Variants in INPP5A observed in about 807,000 individuals in gnomAD.
INPP5A encodes 43 kDa inositol polyphosphate 5-phophatase.
In INPP5A, 14 loss-of-function variants were observed where a neutral mutation model predicts 65.2. The observed-to-expected ratio is 0.21, with a 90% CI of 0.14 to 0.34. The LOEUF (loss-of-function observed/expected upper bound fraction) is 0.34, where lower values mean the gene tolerates loss of function less well. Ranked by LOEUF, INPP5A falls within the 10% of genes least tolerant of loss-of-function variation. The pLI is 1.00. For synonymous variants in INPP5A, 207 were observed against 208.3 expected (o/e 0.99, Z 0.05); for missense variants, 431 against 545.6 (o/e 0.79, Z 2.09).
intron 12 of INPP5A, among the ~76,000 whole-genome samples, chr10:132,771,040 T>C (rs569158143): frequency 7.1e-4 from 108 of 152,350 alleles, no homozygotes; most frequent in African/African-American, 2.4e-3. Flanking sequence ...GGCAGGCTCG[T>C]CCGCCCTTCT....
chr10:132,539,190 G>A (rs1186269340), intron 1 of INPP5A, among the ~76,000 whole-genome samples: 1 of 152,162 alleles, frequency 6.6e-6, no homozygotes, highest in African/African-American at 2.4e-5. Flanking sequence ...TCTGAGCCTA[G>A]GCCCTCCACT....
At chr10:132,729,709 C>T (rs1403200799) in intron 9 of INPP5A, among the ~76,000 whole-genome samples, 6 of 152,220 alleles carry the variant, frequency 3.9e-5, no homozygotes, top group Middle Eastern at 3.2e-3. Flanking sequence ...CTGGGGAGGG[C>T]ACTGGCCTGA....
chr10:132,763,897 A>T (rs1427969745), intron 11 of INPP5A, among the ~76,000 whole-genome samples: 1 of 152,288 alleles, frequency 6.6e-6, no homozygotes, highest in Non-Finnish European at 1.5e-5. Context: ...CTGTGTACAC[A>T]TAAACACGCA....
intron 1 of INPP5A, among the ~76,000 whole-genome samples, chr10:132,576,959 CA>C (rs2071417964): frequency 6.6e-6 from 1 of 152,250 alleles, no homozygotes; most frequent in African/African-American, 2.4e-5. Flanking sequence ...GCTGTGAGCC[CA>C]GTGGTGGGCT....
intron 1 of INPP5A, among the ~76,000 whole-genome samples, chr10:132,578,211 T>C (rs1232974981): frequency 6.6e-6 from 1 of 152,214 alleles, no homozygotes; most frequent in Non-Finnish European, 1.5e-5. Flanking sequence ...TCTCCTTTTT[T>C]GTGTCTGGTT....
chr10:132,773,578 C>T (rs1443717834), intron 12 of INPP5A, among the ~76,000 whole-genome samples: 2 of 152,222 alleles, frequency 1.3e-5, no homozygotes, highest in Non-Finnish European at 2.9e-5. Flanking sequence ...ACTCTACTGC[C>T]TGCGAGCTGG....
intron 2 of INPP5A, among the ~76,000 whole-genome samples, chr10:132,628,468 G>GGGC (rs1554937171): frequency 1.3e-5 from 2 of 148,970 alleles, no homozygotes; most frequent in Non-Finnish European, 3.0e-5. Flanking sequence ...GGTGGCGGGG[G>GGGC]GGGGGGGGGG....
At position 132,651,790 on chromosome 10, in the gene INPP5A, C is replaced by T. The variant is rs1273140518; in HGVS notation, c.306+1285C>T. Among the ~76,000 whole-genome samples the T allele has an allele frequency of 1.3e-5, 2 of 152,218 alleles. No individual in the cohort carries two copies. The highest frequency in any genetic ancestry group is 2.9e-5 in the Non-Finnish European group (2 of 68,042). On this transcript the variant is annotated intron_variant, in intron 4 of 15. Transcript: ENST00000368594. This position sits in a 1 kb window ranked among gnomAD's most constrained non-coding sequence, Gnocchi z 5.0. Reference sequence around the variant, plus strand: ...TGCCAGTTGATCAATGTCCTTGTCCCTGAGATGGTCACACAGCTGTCATGC... The same window carrying T: ...TGCCAGTTGATCAATGTCCTTGTCCTTGAGATGGTCACACAGCTGTCATGC...
intron 1 of INPP5A, among the ~76,000 whole-genome samples, chr10:132,569,500 G>A (rs533276431): frequency 7.1e-4 from 108 of 152,260 alleles, no homozygotes; most frequent in African/African-American, 2.6e-3. Context: ...GGGTTTACAG[G>A]AATGTGCCAC....
chr10:132,615,294 G>A (rs2072016130), intron 2 of INPP5A, among the ~76,000 whole-genome samples: 1 of 152,258 alleles, frequency 6.6e-6, no homozygotes, highest in African/African-American at 2.4e-5. Flanking sequence ...TCTTCCAAGT[G>A]TGGCGTCCGG....
At chr10:132,567,594 G>A (rs1423218419) in intron 1 of INPP5A, among the ~76,000 whole-genome samples, 3 of 152,156 alleles carry the variant, frequency 2.0e-5, no homozygotes, top group Admixed American at 1.3e-4. Flanking sequence ...CAAACTACAG[G>A]CTTTATTTGG....
intron 3 of INPP5A, among the ~76,000 whole-genome samples, chr10:132,648,576 A>C (rs891181635): frequency 6.6e-6 from 1 of 152,176 alleles, no homozygotes; most frequent in African/African-American, 2.4e-5. Flanking sequence ...GCTGCTCATG[A>C]ATTTTCTCAG....
intron 12 of INPP5A, among the ~76,000 whole-genome samples, chr10:132,776,434 G>A (rs569157886): frequency 8.4e-4 from 128 of 152,320 alleles, no homozygotes; most frequent in African/African-American, 2.8e-3. Flanking sequence ...GGCATGGGAG[G>A]GGCTGCAGAA....
intron 8 of INPP5A, among the ~76,000 whole-genome samples, chr10:132,719,676 C>G (rs12217557): frequency 1.3e-5 from 2 of 148,222 alleles, no homozygotes; most frequent in African/African-American, 5.0e-5. Flanking sequence ...GCACCTTAGA[C>G]GGCTGTCTTG....
At chr10:132,598,363 G>A (rs2485636) in intron 1 of INPP5A, among the ~76,000 whole-genome samples, 35,124 of 152,094 alleles carry the variant, frequency 0.23, 4,854 homozygotes, top group East Asian at 0.46. Context: ...TTTTAATCTT[G>A]TAAAACTGCA....
chr10:132,717,663 T>C (rs1190226082), intron 8 of INPP5A, among the ~76,000 whole-genome samples: 1 of 150,498 alleles, frequency 6.6e-6, no homozygotes, highest in African/African-American at 2.5e-5. Context: ...GTGCCTGGGT[T>C]CTGTCTGGGC....
At chr10:132,548,873 C>T (rs994904071) in intron 1 of INPP5A, among the ~76,000 whole-genome samples, 5 of 150,450 alleles carry the variant, frequency 3.3e-5, no homozygotes, top group African/African-American at 7.3e-5. Context: ...CACCACTCAC[C>T]GAAGCCTCAA....
At chr10:132,691,750 C>T (rs1204736910) in intron 5 of INPP5A, among the ~76,000 whole-genome samples, 1 of 152,202 alleles carries the variant, frequency 6.6e-6, no homozygotes, top group Non-Finnish European at 1.5e-5. Context: ...CGTGGTGCGT[C>T]AGGAAGGCAT....
intron 9 of INPP5A, among the ~76,000 whole-genome samples, chr10:132,747,321 G>A (rs563630673): frequency 1.3e-5 from 2 of 152,386 alleles, no homozygotes; most frequent in South Asian, 2.1e-4. Flanking sequence ...TGACACATGA[G>A]TCCAAAAGCC....
Sources: allele counts gnomAD v4.1 joint callset (sites outside exome capture counted in the v4.1 genomes callset), GRCh38; gene constraint gnomAD v4.1.1; non-coding constraint Gnocchi (gnomAD v3.1); transcripts MANE v1.5; gene names NCBI Gene and HGNC (gene_info 2026-07-23, HGNC 2026-07-21).